PCP4: variants seen among roughly 807,000 people sequenced by gnomAD.
PCP4 encodes Purkinje cell protein 4.
In PCP4, 8 loss-of-function variants were observed where a neutral mutation model predicts 10.0. That is an observed-to-expected ratio of 0.80 (90% CI 0.47 to 1.45). PCP4 has a LOEUF of 1.45. Ranked by LOEUF, PCP4 falls within the 40% of genes most tolerant of loss-of-function variation. The pLI is 0.00. For missense variants in PCP4, 54 were observed against 74.4 expected (o/e 0.73, Z 1.01); for synonymous variants, 21 against 23.0 (o/e 0.91, Z 0.24).
chr21:39,884,494 A>G (rs1418499323), intron 1 of PCP4, among the ~76,000 whole-genome samples: 1 of 151,844 alleles, frequency 6.6e-6, no homozygotes, highest in Non-Finnish European at 1.5e-5. Context: ...GCAGTCTTAT[A>G]ATTGAGATAT....
intron 1 of PCP4, among the ~76,000 whole-genome samples, chr21:39,875,261 G>GTT (rs11437083): frequency 0.036 from 5,381 of 149,588 alleles, 305 homozygotes; most frequent in African/African-American, 0.12. Context: ...TTTTCTCACA[G>GTT]TTTTTTTTTT....
chr21:39,877,972 T>C (rs138450086), intron 1 of PCP4, among the ~76,000 whole-genome samples: 92 of 152,158 alleles, frequency 6.0e-4, no homozygotes, highest in African/African-American at 2.2e-3. Context: ...AATTTTGTAG[T>C]CACATTTCTT....
At chr21:39,904,860 A>G (rs918720723) in intron 2 of PCP4, among the ~76,000 whole-genome samples, 4 of 152,204 alleles carry the variant, frequency 2.6e-5, no homozygotes, top group Admixed American at 6.5e-5. Context: ...AATAGTCCAC[A>G]TGGAAACTTA....
At chr21:39,875,718 T>A (rs546932751) in intron 1 of PCP4, among the ~76,000 whole-genome samples, 1 of 152,350 alleles carries the variant, frequency 6.6e-6, no homozygotes, top group South Asian at 2.1e-4. Context: ...CCACAATGAC[T>A]AAGGATATCA....
intron 2 of PCP4, among the ~76,000 whole-genome samples, chr21:39,903,967 A>C (rs2146340448): frequency 6.6e-6 from 1 of 151,982 alleles, no homozygotes; most frequent in South Asian, 2.1e-4. Flanking sequence ...TGTACTGGGT[A>C]CTTTCCTCTC....
At chr21:39,926,821 T>A (rs2252048) in intron 2 of PCP4, among the ~76,000 whole-genome samples, 48,883 of 151,984 alleles carry the variant, frequency 0.32, 8,257 homozygotes, top group Middle Eastern at 0.39. Context: ...CTTATTTTTC[T>A]CCAAAGAAAG....
intron 2 of PCP4, among the ~76,000 whole-genome samples, chr21:39,924,602 A>C (rs534668422): frequency 1.6e-4 from 24 of 152,162 alleles, no homozygotes; most frequent in Middle Eastern, 3.4e-3. Context: ...CAGTGGTGCA[A>C]TCATAGCTCA....
chr21:39,929,148 A>G lies in PCP4; in HGVS notation c.*37A>G, dbSNP rs1436011280. The G allele has an allele frequency of 6.3e-7, 1 of 1,584,348 alleles. No homozygotes were observed. Among genetic ancestry groups the G allele is most frequent in the South Asian group, 1.1e-5 (1 of 87,352 alleles). On this transcript the variant is annotated 3_prime_UTR_variant, in exon 3 of 3. Coordinates refer to ENST00000328619, the MANE Select transcript of PCP4 (RefSeq NM_006198.3). ...CCTCCTAGTCCACCTGAAAACACCA[A>G]ATTCAACCATCATCTGTCAAGAAAT...
intron 1 of PCP4, among the ~76,000 whole-genome samples, chr21:39,882,546 C>G (rs2087381039): frequency 6.6e-6 from 1 of 152,172 alleles, no homozygotes; most frequent in Non-Finnish European, 1.5e-5. Context: ...TCCGGGAAGA[C>G]CCCATGTGGG....
Position 39,868,258 on chromosome 21 carries a change from C to T in PCP4, c.9+748C>T, listed in dbSNP as rs946082988. Among the ~76,000 whole-genome samples, 10 of 152,314 alleles carry T rather than the reference C, an allele frequency of 6.6e-5. 1 individual carries two copies. The highest frequency in any genetic ancestry group is 3.9e-4 in the East Asian group (2 of 5,190). On this transcript the variant is annotated intron_variant, in intron 1 of 2. Coordinates refer to ENST00000328619, the MANE Select transcript of PCP4 (RefSeq NM_006198.3). ...TACAACACCATTCTCTAATTCAACTCAATAACCGAGCCAAATGCATCTTCA... is the reference window on the plus strand; with the variant it reads ...TACAACACCATTCTCTAATTCAACTTAATAACCGAGCCAAATGCATCTTCA...
intron 1 of PCP4, among the ~76,000 whole-genome samples, chr21:39,874,646 CT>C (rs536331930): frequency 2.2e-5 from 3 of 137,976 alleles, no homozygotes; most frequent in Admixed American, 1.4e-4. Context: ...TAATTTCTTC[CT>C]TTTTTTTCAA....
chr21:39,926,002 A>G (rs936026636), intron 2 of PCP4: 6 of 455,436 alleles, frequency 1.3e-5, no homozygotes, highest in Non-Finnish European at 2.2e-5. Flanking sequence ...TTTGTACTGA[A>G]CCCTGTGCCA....
At position 39,893,786 on chromosome 21, in the gene PCP4, G is replaced by A. The variant is rs1363495146; in HGVS notation, c.10-4690G>A. Among the ~76,000 whole-genome samples, 8 of 152,248 alleles carry A rather than the reference G, an allele frequency of 5.3e-5. No individual in the cohort carries two copies. In the South Asian group the frequency reaches 1.7e-3, roughly 31 times the overall value. ...TGTGATTGTGAAGGTCAATCCAAGT[G>A]GAATACACTGTCTCACAGAGGGCCA... On this transcript the variant is annotated intron_variant, in intron 1 of 2. Transcript: ENST00000328619.
intron 1 of PCP4, among the ~76,000 whole-genome samples, chr21:39,886,100 G>T (rs1038794266): frequency 2.0e-5 from 3 of 152,132 alleles, no homozygotes; most frequent in East Asian, 1.9e-4. Flanking sequence ...ATTCTAATGA[G>T]CTCTCTTTAC....
chr21:39,898,667 T>G, intron 2 of PCP4, 140 bp downstream of exon 2: 1 of 653,610 alleles, frequency 1.5e-6, no homozygotes. Context: ...ATTTTAGCAA[T>G]TCACAGTGAG....
chr21:39,895,786 T>C (rs916544483), intron 1 of PCP4, among the ~76,000 whole-genome samples: 1 of 152,056 alleles, frequency 6.6e-6, no homozygotes, highest in South Asian at 2.1e-4. Flanking sequence ...TGGTGTAGAC[T>C]CTCTCCAGTA....
intron 2 of PCP4, among the ~76,000 whole-genome samples, chr21:39,920,286 G>GGTGTAGTGTGTGTGGT (rs1568861911): frequency 7.0e-6 from 1 of 142,424 alleles, no homozygotes; most frequent in Non-Finnish European, 1.5e-5. Flanking sequence ...TAGTGTGTGT[G>GGTGTAGTGTGTGTGGT]GTGTGTGTGT....
rs892966910 is a variant in PCP4 at position 39,904,345 on chromosome 21, C to T, written c.61+5818C>T. ...TTCAAGACCTACGTGCTGACTTAGG[C>T]AGATTTTGCTTAGGATATATTTTAT... On this transcript the variant is annotated intron_variant, in intron 2 of 2. Transcript: ENST00000328619. 4.6e-5 allele frequency among the ~76,000 whole-genome samples: 7 copies of T among 152,214 alleles called. No individual in the cohort carries two copies. In the East Asian group the frequency reaches 1.3e-3, roughly 29 times the overall value.
chr21:39,883,827 A>G (rs1316380245), intron 1 of PCP4, among the ~76,000 whole-genome samples: 1 of 152,218 alleles, frequency 6.6e-6, no homozygotes, highest in African/African-American at 2.4e-5. Context: ...ATACAATGAA[A>G]AAAAAAGGAG....
Sources: allele counts gnomAD v4.1 joint callset (sites outside exome capture counted in the v4.1 genomes callset), GRCh38; gene constraint gnomAD v4.1.1; transcripts MANE v1.5; gene names NCBI Gene and HGNC (gene_info 2026-07-23, HGNC 2026-07-21).